KIFAP3: variants seen among roughly 807,000 people sequenced by gnomAD.
The protein encoded by KIFAP3 is kinesin-associated protein 3.
In KIFAP3, 68 loss-of-function variants were observed where a neutral mutation model predicts 106.5. That is an observed-to-expected ratio of 0.64 (90% CI 0.53 to 0.78). The LOEUF is 0.78. KIFAP3 is among the 30% of genes least tolerant of loss of function. The pLI is 0.00. For missense variants in KIFAP3, 780 were observed against 941.8 expected (o/e 0.83, Z 2.25); for synonymous variants, 320 against 311.5 (o/e 1.03, Z -0.29).
rs1350984431 is a variant in KIFAP3, at chr1:169,989,870, T to C, written c.1284+2285A>G. Among the ~76,000 whole-genome samples the C allele has an allele frequency of 2.0e-5, 3 of 152,202 alleles. No individual in the cohort carries two copies. In the East Asian group the frequency reaches 5.8e-4, roughly 29 times the overall value. ...TTGGAATGAATGAAAGAACAGTCAA[T>C]TAGAATTAATAAAAAGTTATGGTCT... On this transcript the variant is annotated intron_variant, in intron 11 of 19. Coordinates refer to ENST00000361580, the MANE Select transcript of KIFAP3 (RefSeq NM_014970.4).
rs1172516246 is a variant in KIFAP3 at position 169,961,203 on chromosome 1, C to A, written c.2016G>T (p.Gln672His). The stretch of plus-strand genomic sequence containing the variant: ...AGTTATGCCAGCGAAACTTTTCACT[C>A]TGAATTTTCTTAGCCCATTCTTCAT... ...EYDEEWAKKI[Q>H]SEKFRWHNSQ... Residue 672 changes from glutamine to histidine, a missense_variant, in exon 18 of 20, where the codon CAG (glutamine) becomes CAT (histidine). Gln to His is a conservative substitution (Grantham distance 24, BLOSUM62 0). Around this residue, in one of 3 missense-constraint regions of KIFAP3, gnomAD observed 78 missense variants for 140.6 expected, o/e 0.55. Coordinates refer to ENST00000361580, the MANE Select transcript of KIFAP3 (RefSeq NM_014970.4). 6.2e-7 allele frequency: 1 copy of A among 1,612,974 alleles called. No individual in the cohort carries two copies. Among genetic ancestry groups the A allele is most frequent in the Non-Finnish European group, 8.5e-7 (1 of 1,179,680 alleles).
intron 10 of KIFAP3, among the ~76,000 whole-genome samples, chr1:170,004,207 G>A (rs1487663934): frequency 6.6e-6 from 1 of 151,102 alleles, no homozygotes; most frequent in Non-Finnish European, 1.5e-5. Flanking sequence ...AAATAAAAGA[G>A]GATACAAACA....
intron 16 of KIFAP3, among the ~76,000 whole-genome samples, chr1:169,976,599 T>C (rs931106573): frequency 6.6e-6 from 1 of 152,202 alleles, no homozygotes; most frequent in Non-Finnish European, 1.5e-5. Context: ...CTTTCTGTAC[T>C]GTTAGCTGTT....
At chr1:170,021,260 C>T (rs568197718) in intron 9 of KIFAP3, among the ~76,000 whole-genome samples, 14 of 151,856 alleles carry the variant, frequency 9.2e-5, no homozygotes, top group Middle Eastern at 3.4e-3. Flanking sequence ...ATAATACTAC[C>T]TCACAAATAG....
intron 16 of KIFAP3, among the ~76,000 whole-genome samples, chr1:169,973,056 C>T (rs1666003788): frequency 8.0e-6 from 1 of 124,660 alleles, no homozygotes. Context: ...TAAAAGAAAG[C>T]TGCAACCTAA....
chr1:170,034,579 G>T, intron 6 of KIFAP3, 83 bp from the exon 7 acceptor site: 1 of 609,112 alleles, frequency 1.6e-6, no homozygotes. Context: ...TCACTGGTAC[G>T]AACCATGTAG....
At chr1:170,081,905 C>T (rs1398293328) in intron 1 of KIFAP3, among the ~76,000 whole-genome samples, 1 of 152,142 alleles carries the variant, frequency 6.6e-6, no homozygotes, top group African/African-American at 2.4e-5. Flanking sequence ...GCCACAATAC[C>T]TACCACCATA....
intron 17 of KIFAP3, among the ~76,000 whole-genome samples, chr1:169,962,322 A>T (rs1477339782): frequency 6.6e-6 from 1 of 152,182 alleles, no homozygotes; most frequent in African/African-American, 2.4e-5. Context: ...GTTTTGAAGG[A>T]CAAACAGGCA....
At position 170,046,781 on chromosome 1, in the gene KIFAP3, A is replaced by C. The variant is rs757834250; in HGVS notation, c.250T>G (p.Ser84Ala). The change falls in exon 3 of 20, where the codon TCA becomes GCA. Residue 84 changes from serine (S) to alanine (A), a missense_variant. Physicochemically the swap from Ser to Ala is moderately conservative, Grantham distance 99. Transcript: ENST00000361580. ...AGCTGTTCTACCTCATTTAGTTTTG[A>C]AGGATGAATGAGTTTACATTCTTCA... is the stretch of plus-strand genomic sequence containing the variant. ...VVEECKLIHP[S>A]KLNEVEQLLY... The C allele has an allele frequency of 6.2e-7, 1 of 1,611,270 alleles. No homozygotes were observed. The highest frequency in any genetic ancestry group is 8.5e-7 in the Non-Finnish European group (1 of 1,178,540).
chr1:169,980,875 G>A (rs2101907226), intron 15 of KIFAP3, among the ~76,000 whole-genome samples: 1 of 152,300 alleles, frequency 6.6e-6, no homozygotes, highest in South Asian at 2.1e-4. Flanking sequence ...GCCGAGGTGG[G>A]CGGATCACCT....
In KIFAP3 at chr1:170,055,417, T is replaced by C. The variant is rs1433535768; in HGVS notation, c.52A>G (p.Ile18Val). 6.3e-7 allele frequency: 1 copy of C among 1,595,790 alleles called. No homozygotes were observed. Residue 18 changes from isoleucine to valine, a missense_variant, in exon 2 of 20, where the codon ATA becomes GTA. By Grantham distance (29) the Ile-to-Val change is conservative. Around this residue, in one of 3 missense-constraint regions of KIFAP3, gnomAD observed 588 missense variants for 678.9 expected, o/e 0.87. Transcript: ENST00000361580. The stretch of plus-strand genomic sequence containing the variant: ...GCTTTTTCTGATGGATGTACATCTA[T>C]ATTCCCTCCTTTAACTTTCCTATAA... ...YLKRKVKGGNIDVHPSEKALI... is the reference protein window; with the variant it reads ...YLKRKVKGGNVDVHPSEKALI...
In KIFAP3 at chr1:169,932,633, G is replaced by A. The variant is rs574592833; in HGVS notation, c.2274-10852C>T. Among the ~76,000 whole-genome samples, 8 of 150,336 alleles carry A rather than the reference G, an allele frequency of 5.3e-5. No individual in the cohort carries two copies. In the South Asian group the frequency reaches 8.4e-4, roughly 16 times the overall value. On this transcript the variant is annotated intron_variant, in intron 19 of 19. Coordinates refer to ENST00000361580, the MANE Select transcript of KIFAP3 (RefSeq NM_014970.4). ...CATCTAACATGCATGCTACCCCCAC[G>A]GACATAATACTAGTCTCTCTTATAT...
intron 1 of KIFAP3, 28 bp downstream of exon 1, chr1:170,074,408 G>A (rs763569183): frequency 6.8e-6 from 11 of 1,613,034 alleles, no homozygotes; most frequent in African/African-American, 5.3e-5. Context: ...GGCAAGGAGG[G>A]TAGGACAGAG....
chr1:170,050,355 A>G (rs899334933), intron 2 of KIFAP3, among the ~76,000 whole-genome samples: 2 of 152,320 alleles, frequency 1.3e-5, no homozygotes, highest in East Asian at 3.9e-4. Flanking sequence ...AAAAGATCAA[A>G]CCTATGATTG....
At chr1:170,030,938 TAC>T (rs1455323076) in intron 8 of KIFAP3, among the ~76,000 whole-genome samples, 2 of 151,810 alleles carry the variant, frequency 1.3e-5, no homozygotes, top group African/African-American at 2.4e-5. Context: ...TTTAAAACTA[TAC>T]AGTTTATTGT....
intron 10 of KIFAP3, among the ~76,000 whole-genome samples, chr1:170,005,503 T>C (rs955245305): frequency 2.0e-5 from 3 of 151,872 alleles, no homozygotes; most frequent in African/African-American, 7.3e-5. Flanking sequence ...GTGGCACATA[T>C]ACACCATGGA....
chr1:170,017,426 T>G (rs1399028288), intron 9 of KIFAP3, among the ~76,000 whole-genome samples: 1 of 151,416 alleles, frequency 6.6e-6, no homozygotes, highest in African/African-American at 2.4e-5. Flanking sequence ...AAAAAATGAC[T>G]AAGAATTTGT....
At chr1:170,016,380 G>A (rs938368065) in intron 10 of KIFAP3, 82 bp downstream of exon 10, 1 of 1,040,604 alleles carries the variant, frequency 9.6e-7, no homozygotes, top group African/African-American at 1.7e-5. Flanking sequence ...TTTTGTTCAG[G>A]AGGCTTTTCA....
chr1:170,040,489 T>G (rs1339051284), intron 3 of KIFAP3, among the ~76,000 whole-genome samples: 1 of 152,110 alleles, frequency 6.6e-6, no homozygotes, highest in Non-Finnish European at 1.5e-5. Flanking sequence ...AACCACTGAT[T>G]TGCCCCAAAA....
Sources: gnomAD v4.1 joint callset for allele counts (sites outside exome capture counted in the v4.1 genomes callset) on GRCh38, gnomAD v4.1.1 for gene constraint, gnomAD v4.1.1 regional missense constraint, MANE v1.5 for transcripts, NCBI Gene and HGNC (gene_info 2026-07-23, HGNC 2026-07-21) for gene names.